TRNT1: variants seen among roughly 807,000 people sequenced by gnomAD.
TRNT1 encodes tRNA nucleotidyl transferase 1.
In TRNT1, 44 loss-of-function variants were observed where a neutral mutation model predicts 45.6. That is an observed-to-expected ratio of 0.97 (90% CI 0.76 to 1.24). The LOEUF is 1.24. Ranked by LOEUF, TRNT1 falls within the 50% of genes most tolerant of loss-of-function variation. The pLI is 0.00. For missense variants in TRNT1, 633 were observed against 504.4 expected, an observed-to-expected ratio of 1.25 and a Z score of -2.44; for synonymous variants, 201 against 171.4, an observed-to-expected ratio of 1.17 and a Z score of -1.35.
In TRNT1 at chr3:3,146,332, A is replaced by G. The variant is rs3762760; in HGVS notation, c.609-98A>G. 0.22 allele frequency: 184,150 copies of G among 844,550 alleles called. 26,754 individuals are homozygous for G. The highest frequency in any genetic ancestry group is 0.73 in the East Asian group (26,829 of 36,912). The allele number at this position is 844,550 out of a possible 1,614,324, so 52.3% of individuals were successfully genotyped here. ...AACTAATTATATGTTGTTTTCATTAAGCAGATGTATGGGATAGTACCAATA... is the reference window on the plus strand; with the variant it reads ...AACTAATTATATGTTGTTTTCATTAGGCAGATGTATGGGATAGTACCAATA... On this transcript the variant is annotated intron_variant, in intron 5 of 7. Transcript: ENST00000251607.
downstream of TRNT1, among the ~76,000 whole-genome samples, chr3:3,151,764 GAAGAT>G (rs1706568912): frequency 6.6e-6 from 1 of 152,058 alleles, no homozygotes; most frequent in African/African-American, 2.4e-5. Context: ...TTTGAAAACT[GAAGAT>G]AGTACAGCTG....
chr3:3,139,004 C>T (rs528472043), intron 3 of TRNT1, among the ~76,000 whole-genome samples: 1 of 152,220 alleles, frequency 6.6e-6, no homozygotes, highest in Admixed American at 6.5e-5. Context: ...AAGAATACTC[C>T]AGTATTATGC....
At chr3:3,142,547 C>T (rs969927448) in intron 4 of TRNT1, among the ~76,000 whole-genome samples, 2 of 152,192 alleles carry the variant, frequency 1.3e-5, no homozygotes, top group African/African-American at 4.8e-5. Context: ...GGATGATATT[C>T]AGAGCAAAAC....
downstream of TRNT1, among the ~76,000 whole-genome samples, chr3:3,151,650 T>C (rs1483608928): frequency 6.6e-6 from 1 of 152,198 alleles, no homozygotes; most frequent in African/African-American, 2.4e-5. Flanking sequence ...GTAACAAATG[T>C]ATTCTAGTTT....
chr3:3,129,927 G>A (rs1704898610), intron 2 of TRNT1: 4 of 1,550,594 alleles, frequency 2.6e-6, no homozygotes, highest in African/African-American at 2.7e-5. Flanking sequence ...AGGTATAAAT[G>A]CTTTCCATGA....
At chr3:3,139,190 T>G (rs1272339506) in intron 3 of TRNT1, among the ~76,000 whole-genome samples, 2 of 152,228 alleles carry the variant, frequency 1.3e-5, no homozygotes, top group African/African-American at 4.8e-5. Context: ...AATCAGTCCC[T>G]GGTTTTCTGC....
intron 1 of TRNT1, among the ~76,000 whole-genome samples, chr3:3,128,223 A>G (rs1704727321): frequency 6.6e-6 from 1 of 152,136 alleles, no homozygotes; most frequent in South Asian, 2.1e-4. Flanking sequence ...TCAGACCCCT[A>G]ATAAACTTGT....
chr3:3,138,793 T>C (rs1008766980), intron 3 of TRNT1, among the ~76,000 whole-genome samples: 2 of 152,210 alleles, frequency 1.3e-5, no homozygotes, highest in Non-Finnish European at 2.9e-5. Flanking sequence ...GGAAGATCTT[T>C]TATTTCTCTT....
chr3:3,133,568 AT>A (rs201714466), intron 2 of TRNT1, among the ~76,000 whole-genome samples: 41 of 151,938 alleles, frequency 2.7e-4, no homozygotes, highest in African/African-American at 9.9e-4. Flanking sequence ...AAAAAAAAAA[AT>A]GAGAGACTAT....
At position 3,148,288 on chromosome 3, in the gene TRNT1, T is replaced by G. The variant is rs1376604955; in HGVS notation, c.*134T>G. The G allele has an allele frequency of 1.1e-6, 1 of 888,436 alleles. No homozygotes were observed. The highest frequency in any genetic ancestry group is 1.7e-6 in the Non-Finnish European group (1 of 590,482). The allele number at this position is 888,436 out of a possible 1,614,324, so 55.0% of individuals were successfully genotyped here. A position where few individuals can be genotyped will look rare whatever the true frequency, so the allele number is the denominator to read the frequency against. ...CCTCTGTAGAACAACAAGGGTCTTA[T>G]TTTGTGAATTATATATTTCAAGAAC... On this transcript the variant is annotated 3_prime_UTR_variant, in exon 8 of 8. Coordinates refer to ENST00000251607, the MANE Select transcript of TRNT1 (RefSeq NM_182916.3).
At chr3:3,151,479 C>T (rs1178882876), downstream of TRNT1, among the ~76,000 whole-genome samples, 1 of 130,344 alleles carries the variant, frequency 7.7e-6, no homozygotes, top group East Asian at 2.0e-4. Flanking sequence ...CCAGGAAGGA[C>T]ACGTCTCAAA....
At chr3:3,150,277 CA>C (rs200243789), downstream of TRNT1, 4 of 152,070 alleles carry the variant, frequency 2.6e-5, no homozygotes, top group East Asian at 3.9e-4. Context: ...TTCGTGGGCT[CA>C]AAAAACTGCA....
intron 1 of TRNT1, chr3:3,127,526 A>G (rs921843180): frequency 2.6e-5 from 4 of 152,338 alleles, no homozygotes; most frequent in African/African-American, 9.6e-5. Flanking sequence ...CGAGGATGTG[A>G]TATGTAGAAG....
intron 2 of TRNT1, among the ~76,000 whole-genome samples, chr3:3,133,142 C>T (rs554808740): frequency 1.3e-5 from 2 of 152,112 alleles, no homozygotes; most frequent in African/African-American, 4.8e-5. Context: ...TTTCAGTATG[C>T]AAGAATATGA....
At chr3:3,137,236 A>G in intron 2 of TRNT1, 24 bp from the exon 3 acceptor site, 1 of 1,550,118 alleles carries the variant, frequency 6.5e-7, no homozygotes, top group Non-Finnish European at 8.7e-7. Context: ...TTGGGAATAA[A>G]AATCTTATTT....
At chr3:3,140,418 C>T in intron 3 of TRNT1, 92 bp from the exon 4 acceptor site, 4 of 1,269,494 alleles carry the variant, frequency 3.2e-6, no homozygotes, top group Non-Finnish European at 4.4e-6. Context: ...ATAGTACCAT[C>T]CCTTTATAAA....
Position 3,148,195 on chromosome 3 carries a change from T to A in TRNT1, c.*41T>A. ...AAAAGCAGAGCATTTCTGGTAAGAC[T>A]AAATTTTCTCCCCTCCCTCTTAATG... On this transcript the variant is annotated 3_prime_UTR_variant, in exon 8 of 8. Transcript: ENST00000251607. 6.3e-7 allele frequency: 1 copy of A among 1,593,192 alleles called. No homozygotes were observed. Among genetic ancestry groups the A allele is most frequent in the Non-Finnish European group, 8.5e-7 (1 of 1,171,290 alleles).
intron 3 of TRNT1, among the ~76,000 whole-genome samples, chr3:3,137,850 G>A (rs535145063): frequency 2.0e-5 from 3 of 152,230 alleles, no homozygotes; most frequent in African/African-American, 7.2e-5. Flanking sequence ...CAGGGTTCAC[G>A]TTTATGACTC....
downstream of TRNT1, among the ~76,000 whole-genome samples, chr3:3,151,555 G>GGTATTTTGTTC (rs544169296): frequency 2.3e-3 from 350 of 152,176 alleles, 3 homozygotes; most frequent in Middle Eastern, 0.01. Flanking sequence ...TACAAACCAT[G>GGTATTTTGTTC]GTATTTTGTT....
Sources: allele counts gnomAD v4.1 joint callset (sites outside exome capture counted in the v4.1 genomes callset), GRCh38; gene constraint gnomAD v4.1.1; transcripts MANE v1.5; gene names NCBI Gene and HGNC (gene_info 2026-07-23, HGNC 2026-07-21).